The following SUFU variants were observed in gnomAD, a reference collection of about 807,000 sequenced individuals.
SUFU encodes the protein SUFU negative regulator of hedgehog signaling.
In SUFU, 7 loss-of-function variants were observed where a neutral mutation model predicts 58.9. The observed-to-expected ratio is 0.12, with a 90% CI of 0.07 to 0.22. SUFU has a LOEUF of 0.22. Among genes scored for constraint, SUFU ranks in the 10% least tolerant of loss-of-function variants. The pLI, the probability that SUFU is intolerant of heterozygous loss-of-function variation, is 1.00. For missense variants in SUFU, 451 were observed against 641.3 expected (o/e 0.70, Z 3.20); for synonymous variants, 232 against 254.8 (o/e 0.91, Z 0.85).
intron 2 of SUFU, among the ~76,000 whole-genome samples, chr10:102,529,102 A>G (rs990060665): frequency 2.6e-5 from 4 of 152,016 alleles, no homozygotes; most frequent in Non-Finnish European, 5.9e-5. Context: ...ACATATTTCA[A>G]AAGTTATTTT....
chr10:102,603,789 C>A (rs1200562410), intron 8 of SUFU, among the ~76,000 whole-genome samples: 1 of 152,162 alleles, frequency 6.6e-6, no homozygotes, highest in Admixed American at 6.5e-5. Context: ...TCTGTTTGGC[C>A]TTTGATTGGG....
At chr10:102,543,328 T>C (rs537161618) in intron 2 of SUFU, among the ~76,000 whole-genome samples, 1 of 152,288 alleles carries the variant, frequency 6.6e-6, no homozygotes, top group Non-Finnish European at 1.5e-5. Flanking sequence ...CATCTTGTCT[T>C]ATGCTTAAGG....
At chr10:102,573,010 TG>T in intron 3 of SUFU, 1 of 1,205,150 alleles carries the variant, frequency 8.3e-7, no homozygotes, top group Non-Finnish European at 1.2e-6. Context: ...GATAGCATAG[TG>T]GTCAAGCTTG....
intron 10 of SUFU, among the ~76,000 whole-genome samples, chr10:102,624,627 C>G (rs1441664729): frequency 6.6e-6 from 1 of 152,144 alleles, no homozygotes; most frequent in African/African-American, 2.4e-5. Flanking sequence ...ATCTGGCCAT[C>G]CCCTCCCCCA....
At chr10:102,503,820 A>G (rs1286542925), upstream of SUFU, among the ~76,000 whole-genome samples, 1 of 152,050 alleles carries the variant, frequency 6.6e-6, no homozygotes, top group Non-Finnish European at 1.5e-5. Flanking sequence ...GCCTTGGGAC[A>G]CTCCCAACAC....
chr10:102,617,482 C>T lies in SUFU; in HGVS notation c.1296+54C>T. 1 of 1,612,444 alleles carries T rather than the reference C, an allele frequency of 6.2e-7. No individual in the cohort carries two copies. ...TTCCTTTCATAGACTTCCTTGCCCA[C>T]CCCTCCTCTTCTCCCTTGGCAGCTC... is the stretch of plus-strand genomic sequence containing the variant. On this transcript the variant is annotated intron_variant, in intron 10 of 11. Transcript: ENST00000369902. The surrounding 1 kb of genome is among the most constrained non-coding windows in gnomAD (Gnocchi z 4.4).
At chr10:102,542,363 C>T (rs940231894) in intron 2 of SUFU, among the ~76,000 whole-genome samples, 5 of 151,760 alleles carry the variant, frequency 3.3e-5, no homozygotes, top group African/African-American at 9.7e-5. Context: ...GAACTCCTGA[C>T]CTCATGATCC....
chr10:102,517,767 T>C (rs941863341), intron 2 of SUFU, among the ~76,000 whole-genome samples: 4 of 152,196 alleles, frequency 2.6e-5, no homozygotes, highest in African/African-American at 9.7e-5. Context: ...TGAGGAATGG[T>C]ATCCTCACCC....
intron 8 of SUFU, among the ~76,000 whole-genome samples, chr10:102,609,122 A>G: frequency 6.6e-6 from 1 of 152,184 alleles, no homozygotes; most frequent in East Asian, 1.9e-4. Flanking sequence ...CTCTTTACTC[A>G]TTGTGCGATC....
intron 7 of SUFU, among the ~76,000 whole-genome samples, chr10:102,597,817 C>A (rs1379520443): frequency 1.3e-5 from 2 of 152,204 alleles, no homozygotes; most frequent in Non-Finnish European, 2.9e-5. Context: ...GTGGGCAGGG[C>A]CTCTGGACCC....
intron 2 of SUFU, among the ~76,000 whole-genome samples, chr10:102,542,441 TATA>T (rs2062812895): frequency 6.8e-6 from 1 of 146,994 alleles, no homozygotes; most frequent in African/African-American, 2.6e-5. Flanking sequence ...TATATATATA[TATA>T]TTTTTTTTTA....
At chr10:102,568,927 T>TATATATATACAC (rs2063129258) in intron 3 of SUFU, among the ~76,000 whole-genome samples, 1 of 32,176 alleles carries the variant, frequency 3.1e-5, no homozygotes, top group African/African-American at 1.2e-4. Context: ...TATACACATA[T>TATATATATACAC]ATATATATAT....
At chr10:102,514,941 G>C (rs1298032908) in intron 2 of SUFU, among the ~76,000 whole-genome samples, 4 of 152,252 alleles carry the variant, frequency 2.6e-5, no homozygotes, top group African/African-American at 9.6e-5. Flanking sequence ...AGTCGGGCTG[G>C]TTCCAAAGAC....
At chr10:102,530,215 T>C (rs1030977360) in intron 2 of SUFU, among the ~76,000 whole-genome samples, 2 of 152,106 alleles carry the variant, frequency 1.3e-5, no homozygotes, top group Non-Finnish European at 2.9e-5. Flanking sequence ...CTCTGGCATC[T>C]TATTGGGATG....
chr10:102,622,156 A>G (rs944612638), intron 10 of SUFU, among the ~76,000 whole-genome samples: 2 of 152,130 alleles, frequency 1.3e-5, no homozygotes, highest in Non-Finnish European at 2.9e-5. Flanking sequence ...ACCAAGATCC[A>G]TTGCCCCCCT....
intron 2 of SUFU, among the ~76,000 whole-genome samples, chr10:102,520,212 C>CTTTTTTTTTTTTTTTT (rs36020604): frequency 2.6e-5 from 3 of 113,552 alleles, no homozygotes; most frequent in Middle Eastern, 5.7e-3. Flanking sequence ...TTTTTTCTTT[C>CTTTTTTTTTTTTTTTT]TTTTTTTTTT....
intron 9 of SUFU, among the ~76,000 whole-genome samples, chr10:102,616,761 C>A (rs898061975): frequency 6.6e-6 from 1 of 152,146 alleles, no homozygotes; most frequent in Non-Finnish European, 1.5e-5. Context: ...TAAAGATGTG[C>A]TGTGGCCTTT....
In SUFU at chr10:102,629,883, C is replaced by T. The variant is rs1326329534; in HGVS notation, c.1366-183C>T. Among the ~76,000 whole-genome samples, 2 of 152,184 alleles carry T rather than the reference C, an allele frequency of 1.3e-5. No homozygotes were observed. Among genetic ancestry groups the T allele is most frequent in the African/African-American group, 4.8e-5 (2 of 41,448 alleles). The stretch of plus-strand genomic sequence containing the variant: ...GACAGGCCGTGGGGAAAGAAGGGGT[C>T]ACCAACTCCAGCCGTTTGAGCCCAG... On this transcript the variant is annotated intron_variant, in intron 11 of 11. Transcript: ENST00000369902. The surrounding 1 kb of genome is among the most constrained non-coding windows in gnomAD (Gnocchi z 4.7).
chr10:102,591,859 C>T (rs966645689), intron 3 of SUFU, among the ~76,000 whole-genome samples: 9 of 152,150 alleles, frequency 5.9e-5, no homozygotes, highest in Non-Finnish European at 1.3e-4. Flanking sequence ...TCTAAAGTAA[C>T]GTACCTGCTT....
Sources: gnomAD v4.1 joint callset for allele counts (sites outside exome capture counted in the v4.1 genomes callset) on GRCh38, gnomAD v4.1.1 for gene constraint, Gnocchi (gnomAD v3.1) non-coding constraint, MANE v1.5 for transcripts, NCBI Gene and HGNC (gene_info 2026-07-23, HGNC 2026-07-21) for gene names.